The following HAT1 variants were observed in gnomAD, a reference collection of about 807,000 sequenced individuals.
HAT1 encodes the protein histone acetyltransferase type B catalytic subunit.
Under a neutral mutation model 56.6 loss-of-function variants are expected in HAT1, and 20 were observed. That is an observed-to-expected ratio of 0.35 (90% CI 0.25 to 0.51). HAT1 has a LOEUF of 0.51. Ranked by LOEUF, HAT1 falls within the 20% of genes least tolerant of loss-of-function variation. HAT1 has a pLI of 0.95. For synonymous variants in HAT1, 146 were observed against 165.5 expected (o/e 0.88, Z 0.91); for missense variants, 408 against 504.3 (o/e 0.81, Z 1.83).
At chr2:171,942,392 T>C (rs1192385680) in intron 2 of HAT1, among the ~76,000 whole-genome samples, 1 of 152,224 alleles carries the variant, frequency 6.6e-6, no homozygotes, top group Non-Finnish European at 1.5e-5. Context: ...GAGTGTTTTC[T>C]TCTAGTATTT....
intron 4 of HAT1, among the ~76,000 whole-genome samples, chr2:171,961,495 A>T (rs1687573825): frequency 6.6e-6 from 1 of 152,228 alleles, no homozygotes; most frequent in African/African-American, 2.4e-5. Context: ...TGTCCCACTA[A>T]TTGGATTGAA....
intron 8 of HAT1, among the ~76,000 whole-genome samples, chr2:171,975,239 G>C (rs1177520149): frequency 6.6e-6 from 1 of 151,856 alleles, no homozygotes; most frequent in African/African-American, 2.4e-5. Flanking sequence ...CAAGTAGCTG[G>C]GACTACAGGC....
rs899719162 is a variant in HAT1 at position 171,960,304 on chromosome 2, GA to G, written c.310-5026del. 2.0e-5 allele frequency among the ~76,000 whole-genome samples: 3 copies of G among 151,306 alleles called. 1 individual carries two copies. The highest frequency in any genetic ancestry group is 3.9e-4 in the East Asian group (2 of 5,174). On this transcript the variant is annotated intron_variant, in intron 4 of 10. Transcript: ENST00000264108. The stretch of plus-strand genomic sequence containing the variant: ...TGTTGAATTAGATGTGACAGATGAA[GA>G]AAAAAAACGAGAACCCCATTGCCCA...
chr2:171,940,443 C>T (rs1686991897), intron 2 of HAT1, among the ~76,000 whole-genome samples: 1 of 152,160 alleles, frequency 6.6e-6, no homozygotes, highest in Non-Finnish European at 1.5e-5. Context: ...GAACACGCGC[C>T]ACCTTTTGAA....
chr2:171,950,277 G>A (rs1386649304), intron 3 of HAT1, among the ~76,000 whole-genome samples: 2 of 151,218 alleles, frequency 1.3e-5, no homozygotes, highest in Non-Finnish European at 2.9e-5. Context: ...CAGTTCAAGC[G>A]ATTCTCATGC....
intron 3 of HAT1, among the ~76,000 whole-genome samples, chr2:171,948,347 C>T (rs1436091352): frequency 1.3e-5 from 2 of 152,148 alleles, no homozygotes; most frequent in African/African-American, 2.4e-5. Context: ...GCCTCAGCCT[C>T]CCAACTAGCT....
chr2:171,939,223 A>G (rs929290333), intron 2 of HAT1, among the ~76,000 whole-genome samples: 3 of 152,292 alleles, frequency 2.0e-5, no homozygotes, highest in Non-Finnish European at 4.4e-5. Flanking sequence ...GAGATAGGTG[A>G]TCGTGCACCA....
At position 171,953,626 on chromosome 2, in the gene HAT1, T is replaced by TAAAAAAA. The variant is rs587686867; in HGVS notation, c.309+648_309+654dup. ...GGCAACAGAACAAGACCCTGTCTCT[T>TAAAAAAA]AAAAAAAAAAAAAAAAAAAAAAAAA... On this transcript the variant is annotated intron_variant, in intron 4 of 10. Transcript: ENST00000264108. Among the ~76,000 whole-genome samples, 316 of 84,556 alleles carry TAAAAAAA rather than the reference T, an allele frequency of 3.7e-3. 11 individuals are homozygous for TAAAAAAA. Among genetic ancestry groups the TAAAAAAA allele is most frequent in the Middle Eastern group, 7.8e-3 (1 of 128 alleles). 55.5% of individuals were successfully genotyped at this position (84,556 alleles called of 152,430 possible). A position where few individuals can be genotyped will look rare whatever the true frequency, so the allele number is the denominator to read the frequency against.
At chr2:171,928,707 C>G (rs1686660879) in intron 2 of HAT1, among the ~76,000 whole-genome samples, 1 of 152,128 alleles carries the variant, frequency 6.6e-6, no homozygotes, top group Non-Finnish European at 1.5e-5. Context: ...GACGGAGTTT[C>G]ACTATGTTGG....
intron 4 of HAT1, among the ~76,000 whole-genome samples, chr2:171,953,589 C>T (rs1403995902): frequency 1.5e-5 from 2 of 136,338 alleles, no homozygotes; most frequent in Non-Finnish European, 1.5e-5. Flanking sequence ...GGCACCACTG[C>T]ACTCCAGCCC....
At chr2:171,940,238 C>A (rs924145558) in intron 2 of HAT1, among the ~76,000 whole-genome samples, 2 of 152,178 alleles carry the variant, frequency 1.3e-5, no homozygotes, top group African/African-American at 4.8e-5. Context: ...AAGAAAAGTA[C>A]ACATAACGTA....
chr2:171,976,419 G>A, intron 9 of HAT1, 111 bp downstream of exon 9: 1 of 520,814 alleles, frequency 1.9e-6, no homozygotes, highest in Non-Finnish European at 3.1e-6. Flanking sequence ...GTGGGAACTA[G>A]CAATGGTTAA....
At chr2:171,968,786 C>G (rs1289489620) in intron 8 of HAT1, among the ~76,000 whole-genome samples, 7 of 152,108 alleles carry the variant, frequency 4.6e-5, no homozygotes, top group African/African-American at 1.7e-4. Context: ...GATTTTTCTA[C>G]TCTTCTGTCA....
At chr2:171,963,231 A>G (rs1009724705) in intron 4 of HAT1, among the ~76,000 whole-genome samples, 5 of 150,074 alleles carry the variant, frequency 3.3e-5, no homozygotes, top group Non-Finnish European at 5.9e-5. Flanking sequence ...ATATATTTAT[A>G]TAATTATATA....
intron 3 of HAT1, among the ~76,000 whole-genome samples, chr2:171,951,115 T>C (rs1687297402): frequency 2.0e-5 from 3 of 152,128 alleles, no homozygotes; most frequent in South Asian, 2.1e-4. Context: ...CAGGCCCTTA[T>C]TGTGTTTTTA....
intron 2 of HAT1, among the ~76,000 whole-genome samples, chr2:171,944,381 G>T (rs1001799394): frequency 7.2e-5 from 11 of 152,100 alleles, no homozygotes; most frequent in African/African-American, 2.4e-4. Flanking sequence ...TCTATCCTCT[G>T]TATTTCCTGT....
Position 171,925,655 on chromosome 2 carries a change from T to A in HAT1, c.112+14T>A, listed in dbSNP as rs760850941. ...AACTAAAATTAGGTATGTATGCCATTTCTAAGTGATGTTATGTACATACTG... is the reference window on the plus strand; with the variant it reads ...AACTAAAATTAGGTATGTATGCCATATCTAAGTGATGTTATGTACATACTG... On this transcript the variant is annotated intron_variant, in intron 2 of 10. Coordinates refer to ENST00000264108, the MANE Select transcript of HAT1 (RefSeq NM_003642.4). 7 of 1,022,238 alleles carry A rather than the reference T, an allele frequency of 6.8e-6. No homozygotes were observed. Among genetic ancestry groups the A allele is most frequent in the Admixed American group, 1.7e-5 (1 of 59,142 alleles). 63.3% of individuals were successfully genotyped at this position (1,022,238 alleles called of 1,614,324 possible).
intron 4 of HAT1, among the ~76,000 whole-genome samples, chr2:171,953,339 C>T (rs1471255410): frequency 6.6e-6 from 1 of 152,004 alleles, no homozygotes; most frequent in African/African-American, 2.4e-5. Flanking sequence ...GAGCTAGACC[C>T]TGTCTCAAAA....
chr2:171,982,716 C>G (rs1432210058), intron 10 of HAT1, among the ~76,000 whole-genome samples: 1 of 152,144 alleles, frequency 6.6e-6, no homozygotes, highest in Non-Finnish European at 1.5e-5. Flanking sequence ...TGAAACATTT[C>G]TAACAGTTTA....
Sources: allele counts gnomAD v4.1 joint callset (sites outside exome capture counted in the v4.1 genomes callset), GRCh38; gene constraint gnomAD v4.1.1; transcripts MANE v1.5; gene names NCBI Gene and HGNC (gene_info 2026-07-23, HGNC 2026-07-21).